The following CERT1 variants were observed in gnomAD, a reference collection of about 807,000 sequenced individuals.
CERT1 encodes ceramide transfer protein.
CERT1 carries 31 observed loss-of-function variants against 87.9 expected under a neutral mutation model. That is an observed-to-expected ratio of 0.35 (90% CI 0.27 to 0.48). The LOEUF (loss-of-function observed/expected upper bound fraction) is 0.48, where lower values mean the gene tolerates loss of function less well. Among genes scored for constraint, CERT1 ranks in the 20% least tolerant of loss-of-function variants. The probability of loss-of-function intolerance (pLI) is 0.99; values close to 1 mark genes in which losing one functional copy is unlikely to be tolerated. For synonymous variants in CERT1, 289 were observed against 250.9 expected (o/e 1.15, Z -1.44); for missense variants, 487 against 758.0 (o/e 0.64, Z 4.20).
chr5:75,383,714 A>G (rs1277948101), intron 14 of CERT1, among the ~76,000 whole-genome samples: 1 of 152,186 alleles, frequency 6.6e-6, no homozygotes, highest in South Asian at 2.1e-4. Flanking sequence ...AAAACCATTT[A>G]AAAAGAAAAA....
At chr5:75,413,766 T>A (rs1321409162) in intron 7 of CERT1, among the ~76,000 whole-genome samples, 1 of 151,832 alleles carries the variant, frequency 6.6e-6, no homozygotes, top group African/African-American at 2.4e-5. Flanking sequence ...TCCCTAACAA[T>A]ACCAAAATGC....
At chr5:75,405,730 T>C (rs1762675660) in intron 8 of CERT1, among the ~76,000 whole-genome samples, 1 of 152,216 alleles carries the variant, frequency 6.6e-6, no homozygotes, top group Admixed American at 6.5e-5. Flanking sequence ...AACTTTTTAC[T>C]ATAATACAGT....
chr5:75,474,215 C>T (rs971639068), intron 2 of CERT1, among the ~76,000 whole-genome samples: 1 of 152,194 alleles, frequency 6.6e-6, no homozygotes, highest in East Asian at 1.9e-4. Flanking sequence ...CACGTACCCC[C>T]TGCTTGCTCA....
At chr5:75,478,991 T>C (rs938775534) in intron 2 of CERT1, among the ~76,000 whole-genome samples, 2 of 149,328 alleles carry the variant, frequency 1.3e-5, no homozygotes, top group African/African-American at 4.9e-5. Flanking sequence ...GGTGCTTCTA[T>C]TAGCCATATC....
chr5:75,499,794 C>T (rs1013425724), intron 2 of CERT1, among the ~76,000 whole-genome samples: 11 of 152,298 alleles, frequency 7.2e-5, no homozygotes, highest in East Asian at 5.8e-4. Flanking sequence ...AGCCCAGTGA[C>T]GTCATAAAAT....
At position 75,433,413 on chromosome 5, in the gene CERT1, C is replaced by T. The variant is rs1215251667; in HGVS notation, c.349-6935G>A. 5.3e-5 allele frequency among the ~76,000 whole-genome samples: 8 copies of T among 152,278 alleles called. No individual in the cohort carries two copies. In the South Asian group the frequency reaches 1.7e-3, roughly 32 times the overall value. On this transcript the variant is annotated intron_variant, in intron 3 of 16. Transcript: ENST00000643780. ...TCATTGTAGAGATCTTTAACACTTA[C>T]CTGGTTAGCTGTATTCCTAGGTATT...
At chr5:75,414,627 T>C (rs1164692605) in intron 7 of CERT1, among the ~76,000 whole-genome samples, 1 of 152,148 alleles carries the variant, frequency 6.6e-6, no homozygotes, top group African/African-American at 2.4e-5. Flanking sequence ...TTAAGTACAC[T>C]TCTTCTACAG....
At chr5:75,496,756 C>T (rs1767087840) in intron 2 of CERT1, among the ~76,000 whole-genome samples, 1 of 152,166 alleles carries the variant, frequency 6.6e-6, no homozygotes, top group African/African-American at 2.4e-5. Context: ...ATATAATATG[C>T]TGCAACAGTG....
At chr5:75,467,438 C>G (rs1765506124) in intron 2 of CERT1, among the ~76,000 whole-genome samples, 3 of 151,908 alleles carry the variant, frequency 2.0e-5, no homozygotes, top group Admixed American at 2.0e-4. Flanking sequence ...GCTCAGGGTT[C>G]AAGACTAGCC....
chr5:75,399,692 C>G, intron 10 of CERT1, among the ~76,000 whole-genome samples: 1 of 152,146 alleles, frequency 6.6e-6, no homozygotes, highest in East Asian at 1.9e-4. Flanking sequence ...TATTTGCCCA[C>G]CCCCAACTTT....
At chr5:75,395,555 C>CAAA (rs35109034) in intron 11 of CERT1, among the ~76,000 whole-genome samples, 1,527 of 47,950 alleles carry the variant, frequency 0.032, 116 homozygotes, top group African/African-American at 0.099. Flanking sequence ...TGTCTCTTTA[C>CAAA]AAAAAAAAAA....
intron 3 of CERT1, among the ~76,000 whole-genome samples, chr5:75,455,497 A>T (rs1764946113): frequency 6.6e-6 from 1 of 152,194 alleles, no homozygotes; most frequent in Non-Finnish European, 1.5e-5. Context: ...AAAATGATTT[A>T]AAAAATCATG....
intron 2 of CERT1, among the ~76,000 whole-genome samples, chr5:75,491,227 C>T (rs1168998082): frequency 2.0e-5 from 3 of 152,042 alleles, no homozygotes; most frequent in Non-Finnish European, 4.4e-5. Context: ...AGTCTAGATA[C>T]CTCAGTGGAG....
At chr5:75,449,754 T>C (rs569978168) in intron 3 of CERT1, among the ~76,000 whole-genome samples, 14 of 152,226 alleles carry the variant, frequency 9.2e-5, no homozygotes, top group African/African-American at 3.1e-4. Flanking sequence ...GTTATCTCAC[T>C]GAGGTTTACA....
chr5:75,464,972 C>T (rs751750962), intron 2 of CERT1, among the ~76,000 whole-genome samples: 8 of 152,176 alleles, frequency 5.3e-5, no homozygotes, highest in African/African-American at 7.2e-5. Context: ...CTGGTTCCTA[C>T]AGCTAAAATG....
intron 3 of CERT1, among the ~76,000 whole-genome samples, chr5:75,428,703 G>A (rs1409758684): frequency 2.0e-5 from 3 of 151,384 alleles, no homozygotes; most frequent in African/African-American, 4.9e-5. Context: ...ATATTTACAA[G>A]AGGCAAAGAT....
At chr5:75,498,238 G>A (rs531290538) in intron 2 of CERT1, among the ~76,000 whole-genome samples, 1 of 152,326 alleles carries the variant, frequency 6.6e-6, no homozygotes, top group South Asian at 2.1e-4. Flanking sequence ...GCAGCCTGTT[G>A]ATGTGACAGA....
At chr5:75,415,102 CAATA>C (rs1424994724) in intron 7 of CERT1, among the ~76,000 whole-genome samples, 2 of 151,902 alleles carry the variant, frequency 1.3e-5, no homozygotes, top group East Asian at 1.9e-4. Flanking sequence ...AGTTGCTTAC[CAATA>C]AATACACACA....
At position 75,387,513 on chromosome 5, in the gene CERT1, G is replaced by A. The variant is rs571566671; in HGVS notation, c.1285-1479C>T. Among the ~76,000 whole-genome samples, 4 of 151,860 alleles carry A rather than the reference G, an allele frequency of 2.6e-5. No individual in the cohort carries two copies. The East Asian group carries it at 5.9e-4, about 22-fold the overall frequency. ...TCCCAGCACTTTGGGAGGCCGAGGC[G>A]GGCGGATCACCTGAGGTCAGGAGTT... On this transcript the variant is annotated intron_variant, in intron 12 of 16. Coordinates refer to ENST00000643780, the MANE Select transcript of CERT1 (RefSeq NM_001379029.1).
Sources: allele counts gnomAD v4.1 joint callset (sites outside exome capture counted in the v4.1 genomes callset), GRCh38; gene constraint gnomAD v4.1.1; transcripts MANE v1.5; gene names NCBI Gene and HGNC (gene_info 2026-07-23, HGNC 2026-07-21).